The following EXOC2 variants were observed in gnomAD, a reference collection of about 807,000 sequenced individuals.
EXOC2 encodes SEC5-like 1.
EXOC2 carries 70 observed loss-of-function variants against 131.8 expected under a neutral mutation model. The observed-to-expected ratio is 0.53, with a 90% CI of 0.44 to 0.65. The LOEUF (loss-of-function observed/expected upper bound fraction) is 0.65. EXOC2 is among the 30% of genes least tolerant of loss of function. EXOC2 has a pLI of 0.00. For missense variants in EXOC2, 923 were observed against 1,108.6 expected, an observed-to-expected ratio of 0.83 and a Z score of 2.38; for synonymous variants, 411 against 398.4, an observed-to-expected ratio of 1.03 and a Z score of -0.38.
chr6:656,430 A>G, intron 1 of EXOC2: 2 of 1,613,954 alleles, frequency 1.2e-6, no homozygotes, highest in Non-Finnish European at 1.7e-6. Context: ...CACGTTCGCC[A>G]TCCTCTCCAC....
intron 22 of EXOC2, among the ~76,000 whole-genome samples, chr6:539,533 A>C (rs1276858210): frequency 6.6e-6 from 1 of 152,246 alleles, no homozygotes; most frequent in Non-Finnish European, 1.5e-5. Flanking sequence ...AGTCCTGGAG[A>C]AGAGATGCCT....
At chr6:548,273 T>C (rs1368856788) in intron 22 of EXOC2, among the ~76,000 whole-genome samples, 1 of 152,216 alleles carries the variant, frequency 6.6e-6, no homozygotes, top group South Asian at 2.1e-4. Flanking sequence ...AATCCCAATG[T>C]AGTTCACGAA....
chr6:576,151 T>C (rs1390815668), intron 12 of EXOC2, among the ~76,000 whole-genome samples: 3 of 152,236 alleles, frequency 2.0e-5, no homozygotes, highest in African/African-American at 7.2e-5. Flanking sequence ...GGGTTTCTTA[T>C]ATCTGTTATT....
intron 23 of EXOC2, among the ~76,000 whole-genome samples, chr6:532,048 A>G (rs979137584): frequency 6.6e-6 from 1 of 152,134 alleles, no homozygotes; most frequent in Non-Finnish European, 1.5e-5. Flanking sequence ...CTTTTCTCCT[A>G]TCCTTCGCCT....
At chr6:522,564 C>T (rs188155920) in intron 23 of EXOC2, among the ~76,000 whole-genome samples, 108 of 142,200 alleles carry the variant, frequency 7.6e-4, no homozygotes, top group African/African-American at 1.5e-3. Flanking sequence ...GCCAGGCCCA[C>T]GTGGACGACA....
intron 11 of EXOC2, among the ~76,000 whole-genome samples, chr6:582,137 A>T (rs80001260): frequency 0.12 from 18,056 of 152,162 alleles, 1,255 homozygotes; most frequent in Middle Eastern, 0.16. Flanking sequence ...CTCTATAGAA[A>T]ATGCTTATTA....
intron 23 of EXOC2, among the ~76,000 whole-genome samples, chr6:527,022 G>A (rs962998201): frequency 4.6e-5 from 7 of 152,170 alleles, no homozygotes; most frequent in African/African-American, 4.8e-5. Context: ...TGCTGACTAC[G>A]TTACTAAACA....
intron 1 of EXOC2, among the ~76,000 whole-genome samples, chr6:650,065 A>G (rs1298260109): frequency 6.6e-6 from 1 of 152,226 alleles, no homozygotes; most frequent in East Asian, 1.9e-4. Context: ...AACAAGGACA[A>G]AATGACAATG....
At chr6:576,529 C>A (rs1758586912) in intron 12 of EXOC2, among the ~76,000 whole-genome samples, 1 of 152,146 alleles carries the variant, frequency 6.6e-6, no homozygotes, top group African/African-American at 2.4e-5. Flanking sequence ...GTTTAATAAG[C>A]ACTGACCTGC....
At chr6:521,821 C>G (rs1765484985) in intron 23 of EXOC2, among the ~76,000 whole-genome samples, 1 of 152,142 alleles carries the variant, frequency 6.6e-6, no homozygotes, top group Admixed American at 6.5e-5. Context: ...AACCACCATG[C>G]CTGGTCTCGA....
intron 3 of EXOC2, among the ~76,000 whole-genome samples, chr6:631,394 T>C (rs980441758): frequency 7.2e-5 from 11 of 151,944 alleles, no homozygotes; most frequent in Non-Finnish European, 1.5e-4. Flanking sequence ...AAAAATTAGC[T>C]GGGCATGGTG....
rs983681834 is a variant in EXOC2 at position 596,095 on chromosome 6, T to C, written c.1073+1926A>G. ...CACAAGCGTCCTTTCATGGTGGTGA[T>C]CAGGATTAGAGAGGACATGTAGAAC... On this transcript the variant is annotated intron_variant, in intron 10 of 27. Transcript: ENST00000230449. 1.1e-4 allele frequency among the ~76,000 whole-genome samples: 17 copies of C among 151,902 alleles called. 1 individual carries two copies. The highest frequency in any genetic ancestry group is 4.1e-4 in the African/African-American group (17 of 41,236).
At chr6:567,236 C>T (rs181727160) in intron 13 of EXOC2, among the ~76,000 whole-genome samples, 9 of 152,246 alleles carry the variant, frequency 5.9e-5, no homozygotes, top group East Asian at 1.9e-4. Context: ...CTGCTCAGGA[C>T]GCTTCTTCCT....
In EXOC2 at chr6:607,563, C is replaced by T. The variant is rs139064083; in HGVS notation, c.742+2535G>A. Reference sequence around the variant, plus strand: ...TCTAACACAGTAACTACCAGCCACACGGGACTATTTCAATTTAAAGCAGAA... The same window carrying T: ...TCTAACACAGTAACTACCAGCCACATGGGACTATTTCAATTTAAAGCAGAA... On this transcript the variant is annotated intron_variant, in intron 7 of 27. Coordinates refer to ENST00000230449, the MANE Select transcript of EXOC2 (RefSeq NM_018303.6). Among the ~76,000 whole-genome samples the T allele has an allele frequency of 4.1e-4, 62 of 152,214 alleles. 1 individual carries two copies. In the East Asian group the frequency reaches 4.6e-3, roughly 11 times the overall value.
At chr6:624,722 G>C (rs1761464402) in intron 4 of EXOC2, among the ~76,000 whole-genome samples, 2 of 152,196 alleles carry the variant, frequency 1.3e-5, no homozygotes, top group Admixed American at 1.3e-4. Context: ...GTGCGAAAGG[G>C]GAGCTGCTTT....
At chr6:561,539 C>T (rs1220432162) in intron 17 of EXOC2, among the ~76,000 whole-genome samples, 2 of 152,200 alleles carry the variant, frequency 1.3e-5, no homozygotes, top group Non-Finnish European at 2.9e-5. Context: ...CCATTTCATT[C>T]TAGTTTCCTT....
At chr6:564,390 G>C (rs1757857800) in intron 15 of EXOC2, among the ~76,000 whole-genome samples, 155 bp downstream of exon 15, 1 of 152,150 alleles carries the variant, frequency 6.6e-6, no homozygotes, top group Non-Finnish European at 1.5e-5. Context: ...GAACAGTGAG[G>C]AGCTTAGCTG....
chr6:683,380 C>T (rs1764500113), intron 1 of EXOC2, among the ~76,000 whole-genome samples: 1 of 152,180 alleles, frequency 6.6e-6, no homozygotes, highest in Non-Finnish European at 1.5e-5. Flanking sequence ...TATTACTAAG[C>T]TATTCATAAT....
At chr6:682,255 A>T (rs1380885458) in intron 1 of EXOC2, among the ~76,000 whole-genome samples, 1 of 145,786 alleles carries the variant, frequency 6.9e-6, no homozygotes, top group Non-Finnish European at 1.5e-5. Context: ...GCTGGAGTGC[A>T]GTGGCAGGAT....
Sources: gnomAD v4.1 joint callset for allele counts (sites outside exome capture counted in the v4.1 genomes callset) on GRCh38, gnomAD v4.1.1 for gene constraint, MANE v1.5 for transcripts, NCBI Gene and HGNC (gene_info 2026-07-23, HGNC 2026-07-21) for gene names.